Variants in CHCHD6 observed in about 807,000 individuals in gnomAD.
The protein encoded by CHCHD6 is coiled-coil-helix-coiled-coil-helix domain containing 6, also known as MICOS complex subunit MIC25.
Under a neutral mutation model 32.3 loss-of-function variants are expected in CHCHD6, and 28 were observed. The ratio of observed to expected loss-of-function variants is 0.87; its 90% CI spans 0.64 to 1.19. The LOEUF (loss-of-function observed/expected upper bound fraction) is 1.19. Ranked by LOEUF, CHCHD6 falls within the 50% of genes most tolerant of loss-of-function variation. CHCHD6 has a pLI of 0.00. For missense variants in CHCHD6, 333 were observed against 307.0 expected (o/e 1.08, Z -0.63); for synonymous variants, 122 against 117.5 (o/e 1.04, Z -0.25).
At position 126,787,832 on chromosome 3, in the gene CHCHD6, A is replaced by G. The variant is rs565679221; in HGVS notation, c.411+54610A>G. ...TACCCTTTATTTCTTTCTCTTGCCT[A>G]ATTGCCCTGGCCAGAACTTCCAACA... On this transcript the variant is annotated intron_variant, in intron 4 of 7. Transcript: ENST00000290913. 7.9e-5 allele frequency among the ~76,000 whole-genome samples: 12 copies of G among 152,186 alleles called. No homozygotes were observed. The East Asian group carries it at 1.2e-3, about 15-fold the overall frequency.
chr3:126,829,594 T>C (rs745339815), intron 4 of CHCHD6, among the ~76,000 whole-genome samples: 13 of 151,914 alleles, frequency 8.6e-5, no homozygotes, highest in African/African-American at 1.2e-4. Flanking sequence ...GGTGGGGCTT[T>C]GGGAAGTCAT....
intron 6 of CHCHD6, among the ~76,000 whole-genome samples, chr3:126,948,938 ACTAG>A (rs1379477385): frequency 2.0e-5 from 3 of 152,228 alleles, no homozygotes; most frequent in African/African-American, 7.2e-5. Context: ...ATGGGTTCAT[ACTAG>A]CCCAGGCTGG....
intron 4 of CHCHD6, among the ~76,000 whole-genome samples, chr3:126,739,029 G>T (rs1387054682): frequency 1.3e-5 from 2 of 152,174 alleles, no homozygotes; most frequent in East Asian, 3.9e-4. Context: ...TGTTTTAGAA[G>T]TTTAGTGATC....
At chr3:126,821,464 T>C (rs1347780642) in intron 4 of CHCHD6, among the ~76,000 whole-genome samples, 1 of 152,086 alleles carries the variant, frequency 6.6e-6, no homozygotes, top group East Asian at 1.9e-4. Context: ...CTGGCTAATT[T>C]TTTGTATTTT....
At chr3:126,885,590 T>C (rs2077668436) in intron 5 of CHCHD6, among the ~76,000 whole-genome samples, 1 of 152,248 alleles carries the variant, frequency 6.6e-6, no homozygotes, top group South Asian at 2.1e-4. Flanking sequence ...TTGTAAGAGA[T>C]ATGAGCTCTT....
intron 1 of CHCHD6, among the ~76,000 whole-genome samples, chr3:126,720,442 C>T (rs1383568374): frequency 6.6e-6 from 1 of 152,200 alleles, no homozygotes; most frequent in Non-Finnish European, 1.5e-5. Context: ...ATGGGGGGTG[C>T]TGTCCAGTCG....
intron 4 of CHCHD6, among the ~76,000 whole-genome samples, chr3:126,747,529 C>T (rs1249534783): frequency 3.9e-5 from 6 of 152,232 alleles, no homozygotes; most frequent in Non-Finnish European, 8.8e-5. Flanking sequence ...TTCATGGCCA[C>T]TGGCTTCTGG....
At chr3:126,900,301 G>GT (rs1392788766) in intron 5 of CHCHD6, among the ~76,000 whole-genome samples, 3 of 152,180 alleles carry the variant, frequency 2.0e-5, no homozygotes, top group Non-Finnish European at 4.4e-5. Context: ...GTCAAAGGGG[G>GT]TGACACCTAC....
chr3:126,766,606 CT>C, intron 4 of CHCHD6: 4 of 1,156,744 alleles, frequency 3.5e-6, no homozygotes, highest in Non-Finnish European at 5.2e-6. Context: ...CTTGTGGTCC[CT>C]TAGCCCAGTT....
intron 1 of CHCHD6, among the ~76,000 whole-genome samples, chr3:126,713,034 G>A (rs747571464): frequency 3.3e-5 from 5 of 152,060 alleles, no homozygotes; most frequent in African/African-American, 2.4e-5. Context: ...CAGTTTCTCC[G>A]TTTTGTTCTC....
At chr3:126,925,361 C>T (rs775630144) in intron 6 of CHCHD6, among the ~76,000 whole-genome samples, 2 of 152,186 alleles carry the variant, frequency 1.3e-5, no homozygotes, top group Non-Finnish European at 2.9e-5. Context: ...GAAACATTGT[C>T]TGAATAGTAT....
intron 4 of CHCHD6, among the ~76,000 whole-genome samples, chr3:126,748,143 C>T (rs1030154835): frequency 2.0e-5 from 3 of 152,164 alleles, no homozygotes. Context: ...CCCACTTTCT[C>T]CTCAGATATC....
chr3:126,960,180 C>T lies in CHCHD6; in HGVS notation c.703-16C>T, dbSNP rs72982839. ...GGAGTGGGCCCTGACTCAACTCTGA[C>T]CTGTTCTCTTTGTAGGGCTGAGGAG... On this transcript the variant is annotated splice_polypyrimidine_tract_variant and intron_variant, in intron 7 of 7. Transcript: ENST00000290913. The T allele has an allele frequency of 1.5e-4, 239 of 1,551,538 alleles. 2 individuals carry two copies. The African/African-American group carries it at 2.9e-3, about 19-fold the overall frequency.
intron 5 of CHCHD6, among the ~76,000 whole-genome samples, chr3:126,856,830 C>T (rs928072638): frequency 2.0e-5 from 3 of 152,168 alleles, no homozygotes; most frequent in Non-Finnish European, 4.4e-5. Context: ...CTTTGGGGTC[C>T]AGCAGACCTC....
chr3:126,797,221 G>A (rs1225151673), intron 4 of CHCHD6, among the ~76,000 whole-genome samples: 1 of 152,212 alleles, frequency 6.6e-6, no homozygotes, highest in Non-Finnish European at 1.5e-5. Flanking sequence ...GAAGCATTCT[G>A]TGTGTTGCTT....
chr3:126,863,224 A>C (rs1242505261), intron 5 of CHCHD6, among the ~76,000 whole-genome samples: 1 of 92,416 alleles, frequency 1.1e-5, no homozygotes, highest in Non-Finnish European at 2.2e-5. Context: ...CACCATCACC[A>C]CCTCCCCCTC....
chr3:126,765,118 T>C (rs1304496167), intron 4 of CHCHD6, among the ~76,000 whole-genome samples: 2 of 152,128 alleles, frequency 1.3e-5, no homozygotes, highest in Non-Finnish European at 2.9e-5. Flanking sequence ...GTGGTAACAA[T>C]AGCAAATGCA....
intron 6 of CHCHD6, among the ~76,000 whole-genome samples, chr3:126,929,779 C>A (rs987027036): frequency 6.6e-6 from 1 of 152,176 alleles, no homozygotes; most frequent in Non-Finnish European, 1.5e-5. Flanking sequence ...TTGGCCAGGC[C>A]GGTCTCGAAC....
At chr3:126,796,680 A>G (rs1461221523) in intron 4 of CHCHD6, among the ~76,000 whole-genome samples, 1 of 152,106 alleles carries the variant, frequency 6.6e-6, no homozygotes, top group Non-Finnish European at 1.5e-5. Context: ...ACTGTGTGTG[A>G]TTTGAACAAT....
Sources: gnomAD v4.1 joint callset for allele counts (sites outside exome capture counted in the v4.1 genomes callset) on GRCh38, gnomAD v4.1.1 for gene constraint, MANE v1.5 for transcripts, NCBI Gene and HGNC (gene_info 2026-07-23, HGNC 2026-07-21) for gene names.